The following LURAP1L variants were observed in gnomAD, a reference collection of about 807,000 sequenced individuals.
The protein encoded by LURAP1L is leucine rich adaptor protein 1 like, also known as leucine rich adaptor protein 1-like.
In LURAP1L, 12 loss-of-function variants were observed where a neutral mutation model predicts 13.8. That is an observed-to-expected ratio of 0.87 (90% CI 0.56 to 1.41). The LOEUF is 1.41. Among genes scored for constraint, LURAP1L ranks in the 40% most tolerant of loss-of-function variants. The pLI is 0.00. For missense variants in LURAP1L, 375 were observed against 292.9 expected (o/e 1.28, Z -2.04); for synonymous variants, 139 against 119.2 (o/e 1.17, Z -1.08).
At chr9:12,786,994 A>G (rs1466977250) in intron 1 of LURAP1L, among the ~76,000 whole-genome samples, 3 of 152,112 alleles carry the variant, frequency 2.0e-5, no homozygotes, top group African/African-American at 7.2e-5. Flanking sequence ...GTTTATACCC[A>G]CCTTAGTAAA....
Position 12,821,899 on chromosome 9 carries a change from T to C in LURAP1L, c.*139T>C. On this transcript the variant is annotated 3_prime_UTR_variant, in exon 2 of 2. Coordinates refer to ENST00000319264, the MANE Select transcript of LURAP1L (RefSeq NM_203403.2). ...CTGATTTTGAAACTGCTTAATGGTA[T>C]TGCTGTTGCTCCTAATACTTCTCAT... is the stretch of plus-strand genomic sequence containing the variant. The C allele has an allele frequency of 1.1e-6, 1 of 950,926 alleles. No homozygotes were observed. Among genetic ancestry groups the C allele is most frequent in the South Asian group, 1.7e-5 (1 of 59,610 alleles). The allele number at this position is 950,926 out of a possible 1,614,324, so 58.9% of individuals were successfully genotyped here. A position where few individuals can be genotyped will look rare whatever the true frequency, so the allele number is the denominator to read the frequency against.
chr9:12,821,005 T>C (rs1819871953), intron 1 of LURAP1L, among the ~76,000 whole-genome samples: 1 of 152,156 alleles, frequency 6.6e-6, no homozygotes, highest in South Asian at 2.1e-4. Flanking sequence ...CACCTTCCTT[T>C]TCTCCCCACG....
chr9:12,776,081 G>A, intron 1 of LURAP1L, 54 bp downstream of exon 1: 1 of 1,542,852 alleles, frequency 6.5e-7, no homozygotes, highest in Admixed American at 1.8e-5. Flanking sequence ...GCCAAAAGAT[G>A]GGGCGATCTG....
At chr9:12,802,409 G>A (rs1378975249) in intron 1 of LURAP1L, among the ~76,000 whole-genome samples, 1 of 152,072 alleles carries the variant, frequency 6.6e-6, no homozygotes, top group East Asian at 1.9e-4. Context: ...GTTCTCCTGA[G>A]ATCTGGTCTT....
chr9:12,797,628 G>T (rs1200433397), intron 1 of LURAP1L, among the ~76,000 whole-genome samples: 1 of 151,774 alleles, frequency 6.6e-6, no homozygotes, highest in East Asian at 1.9e-4. Context: ...TTGTAACTTT[G>T]TTTTTTTATC....
chr9:12,806,961 T>C (rs1293399929), intron 1 of LURAP1L, among the ~76,000 whole-genome samples: 1 of 133,440 alleles, frequency 7.5e-6, no homozygotes, highest in East Asian at 2.2e-4. Flanking sequence ...CTTTTAAAAA[T>C]GAGTCTAAAC....
At chr9:12,798,483 T>A (rs2118506582) in intron 1 of LURAP1L, among the ~76,000 whole-genome samples, 1 of 152,326 alleles carries the variant, frequency 6.6e-6, no homozygotes, top group East Asian at 1.9e-4. Context: ...GATTGTTTCC[T>A]TCTTCATTCT....
At chr9:12,795,046 G>T (rs942730551) in intron 1 of LURAP1L, among the ~76,000 whole-genome samples, 6 of 151,902 alleles carry the variant, frequency 3.9e-5, no homozygotes, top group Non-Finnish European at 7.4e-5. Flanking sequence ...TGATATGAAA[G>T]AAATTATATC....
chr9:12,789,020 T>C (rs1180419052), intron 1 of LURAP1L, among the ~76,000 whole-genome samples: 2 of 151,336 alleles, frequency 1.3e-5, no homozygotes, highest in East Asian at 1.9e-4. Flanking sequence ...TGAGCCATGA[T>C]TGCACCACTG....
At chr9:12,807,971 C>T (rs1163308578) in intron 1 of LURAP1L, among the ~76,000 whole-genome samples, 1 of 152,076 alleles carries the variant, frequency 6.6e-6, no homozygotes, top group Non-Finnish European at 1.5e-5. Flanking sequence ...CATGGTAGTA[C>T]AAGTACTATA....
intron 1 of LURAP1L, among the ~76,000 whole-genome samples, chr9:12,816,739 T>C (rs1819808988): frequency 6.6e-6 from 1 of 152,074 alleles, no homozygotes; most frequent in African/African-American, 2.4e-5. Context: ...CTCCCTAAAA[T>C]ACAGAGACCT....
chr9:12,808,442 C>T (rs926145148), intron 1 of LURAP1L, among the ~76,000 whole-genome samples: 1 of 152,196 alleles, frequency 6.6e-6, no homozygotes, highest in Middle Eastern at 3.4e-3. Context: ...ACCATCCACC[C>T]CCAGAACTTT....
chr9:12,785,125 TC>T (rs983262882), intron 1 of LURAP1L, among the ~76,000 whole-genome samples: 13 of 152,128 alleles, frequency 8.5e-5, no homozygotes, highest in Non-Finnish European at 1.6e-4. Flanking sequence ...CGGGTTCCCT[TC>T]TGGCCCAGGG....
intron 1 of LURAP1L, among the ~76,000 whole-genome samples, chr9:12,820,242 C>A (rs1819855006): frequency 6.6e-6 from 1 of 151,740 alleles, no homozygotes; most frequent in Admixed American, 6.6e-5. Flanking sequence ...CAGTGGCTCA[C>A]GCCTGTAATC....
intron 1 of LURAP1L, among the ~76,000 whole-genome samples, chr9:12,787,924 C>G (rs374974226): frequency 1.2e-4 from 18 of 151,968 alleles, no homozygotes; most frequent in African/African-American, 4.1e-4. Context: ...CCAACCTGGC[C>G]AACATGGTGA....
At chr9:12,777,099 G>A in intron 1 of LURAP1L, 1 of 351,142 alleles carries the variant, frequency 2.8e-6, no homozygotes, top group South Asian at 1.2e-4. Context: ...AAGTAGGCTA[G>A]GAGATTTCTA....
At chr9:12,797,163 A>C (rs1188991805) in intron 1 of LURAP1L, among the ~76,000 whole-genome samples, 1 of 152,092 alleles carries the variant, frequency 6.6e-6, no homozygotes, top group Non-Finnish European at 1.5e-5. Context: ...ATGCATTGCT[A>C]CCAGGACTCT....
chr9:12,784,413 G>A (rs184605048), intron 1 of LURAP1L, among the ~76,000 whole-genome samples: 110 of 152,304 alleles, frequency 7.2e-4, no homozygotes, highest in African/African-American at 2.5e-3. Context: ...AGCCATATCT[G>A]CCCAAGCCCA....
chr9:12,808,484 G>T (rs758850501), intron 1 of LURAP1L, among the ~76,000 whole-genome samples: 2 of 151,932 alleles, frequency 1.3e-5, no homozygotes, highest in African/African-American at 2.4e-5. Flanking sequence ...CACTTTTGAA[G>T]GATAATTCTG....
Sources: gnomAD v4.1 joint callset for allele counts (sites outside exome capture counted in the v4.1 genomes callset) on GRCh38, gnomAD v4.1.1 for gene constraint, MANE v1.5 for transcripts, NCBI Gene and HGNC (gene_info 2026-07-23, HGNC 2026-07-21) for gene names.